DIABLO: variants seen among roughly 807,000 people sequenced by gnomAD.
DIABLO encodes diablo IAP-binding mitochondrial protein, also known as diablo homolog, mitochondrial.
A neutral mutation model predicts 31.7 loss-of-function variants in DIABLO; 32 were observed. The ratio of observed to expected loss-of-function variants is 1.01; its 90% CI spans 0.76 to 1.35. The LOEUF (loss-of-function observed/expected upper bound fraction) is 1.35. Among genes scored for constraint, DIABLO ranks in the 40% most tolerant of loss-of-function variants. DIABLO has a pLI of 0.00. For synonymous variants in DIABLO, 132 were observed against 103.2 expected (o/e 1.28, Z -1.69); for missense variants, 316 against 286.4 (o/e 1.10, Z -0.75).
At chr12:122,210,935 G>C (rs921506282) in intron 5 of DIABLO, among the ~76,000 whole-genome samples, 2 of 151,866 alleles carry the variant, frequency 1.3e-5, no homozygotes, top group Non-Finnish European at 2.9e-5. Flanking sequence ...AGCTACTGGG[G>C]AGGCTAAAGT....
At position 122,208,266 on chromosome 12, in the gene DIABLO, G is replaced by C. The variant is rs985575843; in HGVS notation, c.*115C>G. The stretch of plus-strand genomic sequence containing the variant: ...AAAGGCGTCTCGCCTGATTGGCCAG[G>C]GCAGGATCTGCCGCCTCTTCTCGGT... On this transcript the variant is annotated 3_prime_UTR_variant, in exon 6 of 6. Coordinates refer to ENST00000464942, the MANE Select transcript of DIABLO (RefSeq NM_001371333.1). 2 of 1,268,556 alleles carry C rather than the reference G, an allele frequency of 1.6e-6. No individual in the cohort carries two copies. The highest frequency in any genetic ancestry group is 3.0e-5 in the African/African-American group (2 of 67,676). 78.6% of individuals were successfully genotyped at this position (1,268,556 alleles called of 1,614,324 possible). A position where few individuals can be genotyped will look rare whatever the true frequency, so the allele number is the denominator to read the frequency against.
At chr12:122,224,976 G>T in intron 1 of DIABLO, 1 of 525,802 alleles carries the variant, frequency 1.9e-6, no homozygotes, top group Non-Finnish European at 3.0e-6. Flanking sequence ...GTAAATAAAG[G>T]CCGAGGCGGG....
chr12:122,225,227 GAA>G lies in DIABLO; in HGVS notation c.51-585_51-584del, dbSNP rs143195410. 6.0e-4 allele frequency: 108 copies of G among 181,138 alleles called. 2 individuals carry two copies. The South Asian group carries it at 0.016, about 27-fold the overall frequency. The allele number at this position is 181,138 out of a possible 1,614,324, so 11.2% of individuals were successfully genotyped here. Reference sequence around the variant, plus strand: ...GACTGAGTCTCAAACAAAACAAAAAGAAAAAAAAAAATTAGCCGGGCGTGGTG... The same window carrying G: ...GACTGAGTCTCAAACAAAACAAAAAGAAAAAAAAATTAGCCGGGCGTGGTG... On this transcript the variant is annotated intron_variant, in intron 1 of 5. Transcript: ENST00000464942.
At chr12:122,215,286 A>G (rs1193440797) in intron 5 of DIABLO, among the ~76,000 whole-genome samples, 1 of 152,038 alleles carries the variant, frequency 6.6e-6, no homozygotes, top group African/African-American at 2.4e-5. Context: ...GTCTCAAAAA[A>G]AAAAAAATTT....
chr12:122,219,653 G>A (rs1566026611), intron 2 of DIABLO, among the ~76,000 whole-genome samples: 4 of 151,622 alleles, frequency 2.6e-5, no homozygotes, highest in Non-Finnish European at 5.9e-5. Context: ...TCAAGAGATC[G>A]AGACCAGCCT....
In DIABLO at chr12:122,208,258, T is replaced by G; in HGVS notation, c.*123A>C. ...CAGCTCACAAAGGCGTCTCGCCTGA[T>G]TGGCCAGGGCAGGATCTGCCGCCTC... is the stretch of plus-strand genomic sequence containing the variant. On this transcript the variant is annotated 3_prime_UTR_variant, in exon 6 of 6. Coordinates refer to ENST00000464942, the MANE Select transcript of DIABLO (RefSeq NM_001371333.1). 8.5e-7 allele frequency: 1 copy of G among 1,172,504 alleles called. No homozygotes were observed. Among genetic ancestry groups the G allele is most frequent in the Non-Finnish European group, 1.2e-6 (1 of 804,584 alleles). 72.6% of individuals were successfully genotyped at this position (1,172,504 alleles called of 1,614,324 possible). A position where few individuals can be genotyped will look rare whatever the true frequency, so the allele number is the denominator to read the frequency against.
chr12:122,213,503 CA>C (rs1392992914), intron 5 of DIABLO, among the ~76,000 whole-genome samples: 2 of 74,246 alleles, frequency 2.7e-5, no homozygotes, highest in Non-Finnish European at 4.7e-5. Flanking sequence ...GACCTTGTCT[CA>C]GGGAAAAAAA....
At chr12:122,209,254 T>C (rs1954019611) in intron 5 of DIABLO, among the ~76,000 whole-genome samples, 1 of 151,796 alleles carries the variant, frequency 6.6e-6, no homozygotes, top group Non-Finnish European at 1.5e-5. Flanking sequence ...TCCCAGCTAC[T>C]TGGGAGGCTG....
chr12:122,212,631 G>T lies in DIABLO; in HGVS notation c.523+3857C>A, dbSNP rs985180415. On this transcript the variant is annotated intron_variant, in intron 5 of 5. Transcript: ENST00000464942. ...ATTGTTCGCTTATTTATTTATTTTT[G>T]TTTTTTTTTTTGAGATGGAGTCTTG... is the stretch of plus-strand genomic sequence containing the variant. Among the ~76,000 whole-genome samples the T allele has an allele frequency of 3.0e-4, 44 of 144,946 alleles. 1 individual carries two copies. The highest frequency in any genetic ancestry group is 4.3e-4 in the African/African-American group (17 of 39,458).
At chr12:122,227,069 T>C (rs61954362), upstream of DIABLO, among the ~76,000 whole-genome samples, 301 of 152,320 alleles carry the variant, frequency 2.0e-3, no homozygotes, top group Admixed American at 3.7e-3. Context: ...GCAGCAGAGC[T>C]GGAGGATCTT....
intron 5 of DIABLO, among the ~76,000 whole-genome samples, chr12:122,213,681 CCT>C (rs1954139629): frequency 6.6e-6 from 1 of 152,132 alleles, no homozygotes; most frequent in Non-Finnish European, 1.5e-5. Flanking sequence ...ACCTAGAAAT[CCT>C]CTGCCATGTT....
intron 1 of DIABLO, chr12:122,224,911 C>A (rs1236513977): frequency 8.3e-7 from 1 of 1,205,532 alleles, no homozygotes; most frequent in African/African-American, 1.5e-5. Context: ...GAGTTCACGA[C>A]CAGCCTGGGC....
intron 5 of DIABLO, among the ~76,000 whole-genome samples, chr12:122,216,007 A>G (rs560657320): frequency 6.6e-6 from 1 of 152,280 alleles, no homozygotes; most frequent in East Asian, 1.9e-4. Context: ...TCACATATAA[A>G]AAGTGCCTAC....
At chr12:122,220,295 G>A (rs996617226) in intron 2 of DIABLO, among the ~76,000 whole-genome samples, 1 of 152,022 alleles carries the variant, frequency 6.6e-6, no homozygotes, top group Admixed American at 6.6e-5. Context: ...TACCTTAAGA[G>A]TTAAGGGACT....
intron 5 of DIABLO, among the ~76,000 whole-genome samples, chr12:122,211,839 A>T (rs2136086730): frequency 6.6e-6 from 1 of 152,294 alleles, no homozygotes; most frequent in South Asian, 2.1e-4. Context: ...TTCATGATTG[A>T]TAATGTCTTA....
In DIABLO at chr12:122,207,909, A is replaced by G. The variant is rs1166114895; in HGVS notation, c.*472T>C. 2.2e-6 allele frequency: 1 copy of G among 460,526 alleles called. No individual in the cohort carries two copies. Among genetic ancestry groups the G allele is most frequent in the Non-Finnish European group, 4.3e-6 (1 of 231,242 alleles). The allele number at this position is 460,526 out of a possible 1,614,324, so 28.5% of individuals were successfully genotyped here. A position where few individuals can be genotyped will look rare whatever the true frequency, so the allele number is the denominator to read the frequency against. On this transcript the variant is annotated 3_prime_UTR_variant, in exon 6 of 6. Transcript: ENST00000464942. The stretch of plus-strand genomic sequence containing the variant: ...ACAGTGGGGGCAGATCAGAGAACAC[A>G]TCAGAAATACATACAAAGAAATCGT...
chr12:122,224,912 C>T (rs182202948), intron 1 of DIABLO: 3 of 1,192,972 alleles, frequency 2.5e-6, no homozygotes, highest in African/African-American at 1.5e-5. Flanking sequence ...AGTTCACGAC[C>T]AGCCTGGGCA....
chr12:122,224,850 T>A, intron 1 of DIABLO: 3 of 1,486,680 alleles, frequency 2.0e-6, no homozygotes, highest in Non-Finnish European at 2.7e-6. Flanking sequence ...ACGCCTGTAA[T>A]CCTAGCACTT....
rs561304810 is a variant in DIABLO at position 122,218,050 on chromosome 12, T to C, written c.315+216A>G. Among the ~76,000 whole-genome samples, 18 of 152,286 alleles carry C rather than the reference T, an allele frequency of 1.2e-4. No individual in the cohort carries two copies. In the South Asian group the frequency reaches 1.7e-3, roughly 14 times the overall value. ...TTTAGATCAGGGCTCAGCAAACTTT[T>C]TGAAGGGCCTGACAGTAAATATTTT... On this transcript the variant is annotated intron_variant, in intron 3 of 5. Coordinates refer to ENST00000464942, the MANE Select transcript of DIABLO (RefSeq NM_001371333.1).
Sources: allele counts gnomAD v4.1 joint callset (sites outside exome capture counted in the v4.1 genomes callset), GRCh38; gene constraint gnomAD v4.1.1; transcripts MANE v1.5; gene names NCBI Gene and HGNC (gene_info 2026-07-23, HGNC 2026-07-21).